The following TANC1 variants were observed in gnomAD, a reference collection of about 807,000 sequenced individuals.
TANC1 encodes the protein protein TANC1.
In TANC1, 77 loss-of-function variants were observed where a neutral mutation model predicts 149.7. The observed-to-expected ratio is 0.51, with a 90% CI of 0.43 to 0.62. The LOEUF is 0.62. Ranked by LOEUF, TANC1 falls within the 20% of genes least tolerant of loss-of-function variation. The probability of loss-of-function intolerance (pLI) is 0.00; values close to 1 mark genes in which losing one functional copy is unlikely to be tolerated. For synonymous variants in TANC1, 854 were observed against 925.0 expected (o/e 0.92, Z 1.39); for missense variants, 1,985 against 2,321.8 (o/e 0.85, Z 2.98).
In TANC1 at chr2:159,219,874, A is replaced by G; in HGVS notation, c.3678+7A>G. The G allele has an allele frequency of 1.2e-6, 2 of 1,612,446 alleles. No individual in the cohort carries two copies. The highest frequency in any genetic ancestry group is 1.7e-6 in the Non-Finnish European group (2 of 1,179,920). ...CTATGGCGATGCCGAGACTGTGAGT[A>G]CCAGCAGGTGTTCCCCACCTCCACC... On this transcript the variant is annotated splice_region_variant and intron_variant, in intron 22 of 26. Transcript: ENST00000263635.
intron 2 of TANC1, among the ~76,000 whole-genome samples, chr2:159,039,482 G>T (rs574444729): frequency 6.6e-6 from 1 of 152,050 alleles, no homozygotes; most frequent in African/African-American, 2.4e-5. Flanking sequence ...TTCTCCTGTG[G>T]GCATTTAGTG....
intron 1 of TANC1, among the ~76,000 whole-genome samples, chr2:158,978,145 T>G (rs2033908114): frequency 6.6e-6 from 1 of 152,144 alleles, no homozygotes; most frequent in Admixed American, 6.5e-5. Context: ...GGGTCCTGTC[T>G]TACCTTTCTC....
At chr2:159,127,618 G>A (rs2049597605) in intron 4 of TANC1, among the ~76,000 whole-genome samples, 1 of 152,192 alleles carries the variant, frequency 6.6e-6, no homozygotes, top group Non-Finnish European at 1.5e-5. Flanking sequence ...ATACTATGCA[G>A]CCACAAAAAG....
intron 2 of TANC1, among the ~76,000 whole-genome samples, chr2:159,021,099 A>G (rs1559140278): frequency 6.6e-6 from 1 of 152,206 alleles, no homozygotes; most frequent in Non-Finnish European, 1.5e-5. Context: ...CCTGGAGTTA[A>G]CAGTTACCTG....
At position 159,226,594 on chromosome 2, in the gene TANC1, C is replaced by T. The variant is rs560568116; in HGVS notation, c.3903+815C>T. 3.9e-5 allele frequency: 6 copies of T among 152,294 alleles called. No homozygotes were observed. The East Asian group carries it at 7.7e-4, about 20-fold the overall frequency. The allele number at this position is 152,294 out of a possible 1,614,324, so 9.4% of individuals were successfully genotyped here. On this transcript the variant is annotated intron_variant, in intron 24 of 26. Transcript: ENST00000263635. The stretch of plus-strand genomic sequence containing the variant: ...TACTTAATACAGTCAAGTAATACCT[C>T]AGTTACTCAGAAGACTGAATTAATT...
intron 10 of TANC1, 117 bp from the exon 11 acceptor site, chr2:159,172,004 G>T: frequency 2.0e-6 from 2 of 985,294 alleles, no homozygotes; most frequent in East Asian, 2.5e-5. Context: ...TCTGAATTTT[G>T]GACCATGTTC....
chr2:159,042,211 C>G (rs2040700073), intron 2 of TANC1, among the ~76,000 whole-genome samples: 1 of 152,204 alleles, frequency 6.6e-6, no homozygotes, highest in Non-Finnish European at 1.5e-5. Flanking sequence ...TCCACCCAGC[C>G]TCGGCACGCA....
chr2:159,083,256 A>ATTTTTTTTTTTTTTTT (rs1032307532), intron 3 of TANC1, among the ~76,000 whole-genome samples: 1 of 141,548 alleles, frequency 7.1e-6, no homozygotes, highest in Non-Finnish European at 1.5e-5. Flanking sequence ...TACCTGGCCT[A>ATTTTTTTTTTTTTTTT]TTTTTTTTTT....
chr2:159,161,766 A>G (rs2054068109), intron 7 of TANC1, among the ~76,000 whole-genome samples: 1 of 152,262 alleles, frequency 6.6e-6, no homozygotes. Context: ...CTGATGGAAC[A>G]CTGGCAAATG....
intron 16 of TANC1, among the ~76,000 whole-genome samples, chr2:159,188,184 C>T (rs955761136): frequency 2.6e-5 from 4 of 152,166 alleles, no homozygotes; most frequent in Non-Finnish European, 1.5e-5. Flanking sequence ...GGGGGGAAAA[C>T]GGTTTTCACA....
chr2:159,165,630 T>C (rs1392511425), intron 8 of TANC1, among the ~76,000 whole-genome samples: 1 of 152,190 alleles, frequency 6.6e-6, no homozygotes, highest in Non-Finnish European at 1.5e-5. Flanking sequence ...CACTATTTAG[T>C]GATTAGAAGG....
chr2:158,997,719 A>T (rs1053332899), intron 1 of TANC1, among the ~76,000 whole-genome samples: 2 of 152,252 alleles, frequency 1.3e-5, no homozygotes, highest in African/African-American at 4.8e-5. Context: ...GATGTACTGC[A>T]TTATAGTCCA....
chr2:159,210,693 G>A (rs1399351583), intron 19 of TANC1, among the ~76,000 whole-genome samples: 1 of 151,940 alleles, frequency 6.6e-6, no homozygotes, highest in African/African-American at 2.4e-5. Context: ...CAGCTTTCCC[G>A]AGTAGCTGGG....
Position 159,139,454 on chromosome 2 carries a change from G to A in TANC1, c.364+3156G>A, listed in dbSNP as rs188257882. 1.9e-4 allele frequency among the ~76,000 whole-genome samples: 29 copies of A among 152,150 alleles called. 1 individual carries two copies. The East Asian group carries it at 4.6e-3, about 24-fold the overall frequency. Reference sequence around the variant, plus strand: ...CTTCCTATTGCTAAATCAACATATCGTTTAGGGGAAAGCTCATTTACCCAC... The same window carrying A: ...CTTCCTATTGCTAAATCAACATATCATTTAGGGGAAAGCTCATTTACCCAC... On this transcript the variant is annotated intron_variant, in intron 5 of 26. Transcript: ENST00000263635.
rs564582449 is a variant in TANC1 at position 159,099,948 on chromosome 2, G to A, written c.259+2114G>A. ...TCCTGAATAAAGTCTGCCCTACTAT[G>A]CTTTTAAAAGTATCACTGAGTAGTT... On this transcript the variant is annotated intron_variant, in intron 4 of 26. Transcript: ENST00000263635. 2.6e-5 allele frequency among the ~76,000 whole-genome samples: 4 copies of A among 152,252 alleles called. No homozygotes were observed. The East Asian group carries it at 5.8e-4, about 22-fold the overall frequency.
chr2:159,119,451 A>C (rs1186581570), intron 4 of TANC1, among the ~76,000 whole-genome samples: 2 of 152,200 alleles, frequency 1.3e-5, no homozygotes, highest in Non-Finnish European at 2.9e-5. Context: ...AAAAATCAAG[A>C]AGCAGCCACT....
chr2:159,136,967 G>C (rs1012365377), intron 5 of TANC1, among the ~76,000 whole-genome samples: 24 of 151,946 alleles, frequency 1.6e-4, no homozygotes, highest in Admixed American at 1.6e-3. Flanking sequence ...TTCCTTTCTG[G>C]GGAGTCCCCA....
At chr2:159,130,034 A>G (rs1017012492) in intron 4 of TANC1, among the ~76,000 whole-genome samples, 1 of 152,184 alleles carries the variant, frequency 6.6e-6, no homozygotes, top group South Asian at 2.1e-4. Flanking sequence ...GCAGGATACC[A>G]GTACCGGGGG....
intron 4 of TANC1, among the ~76,000 whole-genome samples, chr2:159,101,204 T>G (rs1179178461): frequency 1.3e-5 from 2 of 152,240 alleles, no homozygotes; most frequent in Non-Finnish European, 1.5e-5. Flanking sequence ...TTCAGTTGTT[T>G]GTATAGAAAC....
Sources: allele counts gnomAD v4.1 joint callset (sites outside exome capture counted in the v4.1 genomes callset), GRCh38; gene constraint gnomAD v4.1.1; transcripts MANE v1.5; gene names NCBI Gene and HGNC (gene_info 2026-07-23, HGNC 2026-07-21).